Variants in MED13L observed in about 807,000 individuals in gnomAD.
MED13L encodes the protein mediator complex subunit 13L.
In MED13L, 7 loss-of-function variants were observed where a neutral mutation model predicts 220.9. The ratio of observed to expected loss-of-function variants is 0.03; its 90% CI spans 0.02 to 0.06. The LOEUF (loss-of-function observed/expected upper bound fraction) is 0.06, where lower values mean the gene tolerates loss of function less well. MED13L is among the 10% of genes least tolerant of loss of function. The probability of loss-of-function intolerance (pLI) is 1.00; values close to 1 mark genes in which losing one functional copy is unlikely to be tolerated. For synonymous variants in MED13L, 1,011 were observed against 1,015.2 expected (o/e 1.00, Z 0.08); for missense variants, 1,965 against 2,760.5 (o/e 0.71, Z 6.46).
At chr12:116,003,905 G>T (rs751001887) in intron 13 of MED13L, among the ~76,000 whole-genome samples, 1 of 152,082 alleles carries the variant, frequency 6.6e-6, no homozygotes, top group Admixed American at 6.6e-5. Context: ...AAGGTAAACC[G>T]CTCATGTGAT....
At chr12:116,211,418 T>C (rs564252289) in intron 2 of MED13L, among the ~76,000 whole-genome samples, 255 of 152,024 alleles carry the variant, frequency 1.7e-3, no homozygotes, top group Non-Finnish European at 2.4e-3. Context: ...GCAGTTTTGC[T>C]GACCAAAAAA....
intron 4 of MED13L, among the ~76,000 whole-genome samples, chr12:116,069,851 T>C (rs990090330): frequency 2.0e-5 from 3 of 152,162 alleles, no homozygotes; most frequent in African/African-American, 7.2e-5. Flanking sequence ...GTGTAAGATG[T>C]ATAGGAAATG....
chr12:116,139,881 A>G (rs1876903407), intron 2 of MED13L, among the ~76,000 whole-genome samples: 1 of 151,664 alleles, frequency 6.6e-6, no homozygotes, highest in African/African-American at 2.4e-5. Flanking sequence ...GAGGCAAGAG[A>G]ATCACTTGAA....
chr12:116,172,184 A>G (rs1879728856), intron 2 of MED13L, among the ~76,000 whole-genome samples: 2 of 152,226 alleles, frequency 1.3e-5, no homozygotes, highest in Admixed American at 6.5e-5. Flanking sequence ...CCTATTTCAT[A>G]TAAGTTAAAA....
intron 2 of MED13L, among the ~76,000 whole-genome samples, chr12:116,141,820 G>C (rs1252804851): frequency 6.6e-6 from 1 of 151,886 alleles, no homozygotes; most frequent in Non-Finnish European, 1.5e-5. Flanking sequence ...GAGCTAACTG[G>C]GTCTGCTCAG....
At chr12:116,083,998 T>G (rs1871417490) in intron 4 of MED13L, among the ~76,000 whole-genome samples, 1 of 152,214 alleles carries the variant, frequency 6.6e-6, no homozygotes, top group African/African-American at 2.4e-5. Flanking sequence ...AATGCTTGAA[T>G]TTTATAGCAA....
At chr12:116,197,971 A>G (rs1185824086) in intron 2 of MED13L, among the ~76,000 whole-genome samples, 1 of 152,188 alleles carries the variant, frequency 6.6e-6, no homozygotes, top group Non-Finnish European at 1.5e-5. Context: ...ATTTCCATTG[A>G]AAAGAAATTT....
intron 4 of MED13L, among the ~76,000 whole-genome samples, chr12:116,054,118 G>A (rs542258972): frequency 3.3e-5 from 5 of 152,006 alleles, no homozygotes; most frequent in African/African-American, 4.8e-5. Flanking sequence ...TCTGCTCCAC[G>A]TCAACACAAA....
chr12:115,962,950 G>A (rs1158510115), intron 30 of MED13L, among the ~76,000 whole-genome samples: 2 of 152,214 alleles, frequency 1.3e-5, no homozygotes, highest in African/African-American at 4.8e-5. Flanking sequence ...GAACCCAGGA[G>A]GCGGAGTTTG....
chr12:116,236,645 C>A (rs1870108359), intron 2 of MED13L, among the ~76,000 whole-genome samples: 1 of 151,978 alleles, frequency 6.6e-6, no homozygotes, highest in Non-Finnish European at 1.5e-5. Flanking sequence ...AGAGTTAATA[C>A]CCTAACTAAA....
intron 2 of MED13L, among the ~76,000 whole-genome samples, chr12:116,125,100 G>A (rs1875464844): frequency 6.6e-6 from 1 of 152,106 alleles, no homozygotes; most frequent in Non-Finnish European, 1.5e-5. Context: ...TGTTAAGACA[G>A]AAAAGAAAAC....
At chr12:116,246,342 G>A (rs1378572137) in intron 1 of MED13L, among the ~76,000 whole-genome samples, 5 of 151,862 alleles carry the variant, frequency 3.3e-5, no homozygotes, top group Non-Finnish European at 7.4e-5. Context: ...AAATCATAAC[G>A]AATGATGACT....
At chr12:116,147,073 T>G (rs1416006878) in intron 2 of MED13L, among the ~76,000 whole-genome samples, 1 of 152,146 alleles carries the variant, frequency 6.6e-6, no homozygotes, top group Non-Finnish European at 1.5e-5. Flanking sequence ...CAGGGCCCAT[T>G]GCCTCAGAGA....
chr12:115,993,695 C>T (rs1237295193), intron 16 of MED13L, among the ~76,000 whole-genome samples: 2 of 152,164 alleles, frequency 1.3e-5, no homozygotes, highest in African/African-American at 4.8e-5. Context: ...AAAATTATTA[C>T]GCAGTTCAGA....
At chr12:116,173,359 C>A (rs1879818835) in intron 2 of MED13L, among the ~76,000 whole-genome samples, 1 of 151,946 alleles carries the variant, frequency 6.6e-6, no homozygotes, top group Non-Finnish European at 1.5e-5. Flanking sequence ...TATATAAAAC[C>A]ATTACAGACA....
At chr12:116,240,364 T>C (rs1046418844) in intron 1 of MED13L, among the ~76,000 whole-genome samples, 10 of 152,152 alleles carry the variant, frequency 6.6e-5, no homozygotes, top group African/African-American at 2.4e-4. Flanking sequence ...CCCAAAGTGC[T>C]GGGATTATAC....
In MED13L at chr12:115,991,364, G is replaced by A; in HGVS notation, c.3590C>T (p.Ala1197Val). 3.7e-6 allele frequency: 6 copies of A among 1,613,972 alleles called. No homozygotes were observed. Among genetic ancestry groups the A allele is most frequent in the Non-Finnish European group, 5.1e-6 (6 of 1,180,028 alleles). Reference protein sequence around the residue: ...FGKNSDIGQAAERRLMMCQST... With the variant: ...FGKNSDIGQAVERRLMMCQST... ...CTGACACATCATTAAGCGCCTCTCT[G>A]CAGCCTGACCAATATCAGAATTCTT... The change falls in exon 17 of 31, where the codon GCA becomes GTA. Residue 1197 changes from alanine to valine, a missense_variant. Around this residue, in one of 10 missense-constraint regions of MED13L, gnomAD observed 165 missense variants for 190.8 expected, o/e 0.86. Transcript: ENST00000281928. This position sits in a 1 kb window ranked among gnomAD's most constrained non-coding sequence, Gnocchi z 7.7.
chr12:116,275,439 G>C (rs149762844), intron 1 of MED13L, among the ~76,000 whole-genome samples: 3 of 152,212 alleles, frequency 2.0e-5, no homozygotes, highest in African/African-American at 7.2e-5. Flanking sequence ...TACTAGAGTG[G>C]GAGCAATGAT....
chr12:116,041,722 C>G (rs957943524), intron 4 of MED13L, among the ~76,000 whole-genome samples: 1 of 152,160 alleles, frequency 6.6e-6, no homozygotes, highest in Admixed American at 6.5e-5. Context: ...GTAGTCCCAG[C>G]TACTCAGGAG....
Sources: allele counts gnomAD v4.1 joint callset (sites outside exome capture counted in the v4.1 genomes callset), GRCh38; gene constraint gnomAD v4.1.1; regional missense constraint gnomAD v4.1.1; non-coding constraint Gnocchi (gnomAD v3.1); transcripts MANE v1.5; gene names NCBI Gene and HGNC (gene_info 2026-07-23, HGNC 2026-07-21).